ZC3H18: variants seen among roughly 807,000 people sequenced by gnomAD.
ZC3H18 encodes the protein zinc finger CCCH-type containing 18.
ZC3H18 carries 8 observed loss-of-function variants against 106.1 expected under a neutral mutation model. That is an observed-to-expected ratio of 0.08 (90% CI 0.04 to 0.14). ZC3H18 has a LOEUF of 0.14. ZC3H18 is among the 10% of genes least tolerant of loss of function. The pLI is 1.00. For missense variants in ZC3H18, 1,318 were observed against 1,278.4 expected (o/e 1.03, Z -0.47); for synonymous variants, 635 against 522.1 (o/e 1.22, Z -2.95).
At position 88,630,494 on chromosome 16, in the gene ZC3H18, A is replaced by T. The variant is rs1031675489; in HGVS notation, c.2576A>T (p.Asp859Val). The change falls in exon 17 of 18, where the codon GAC becomes GTC. Residue 859 changes from aspartate (D) to valine (V), a missense_variant. By Grantham distance (152) the Asp-to-Val change is radical. Around this residue, in one of 6 missense-constraint regions of ZC3H18, gnomAD observed 848 missense variants for 821.7 expected, o/e 1.03. Coordinates refer to ENST00000301011, the MANE Select transcript of ZC3H18 (RefSeq NM_144604.4). ...TGTACCTATCACCCAGGTTCTCGGG[A>T]CCGGAAGTCAGGTGGGAGACTGGGC... is the stretch of plus-strand genomic sequence containing the variant. ...PNTSPDRGSR[D>V]RKSGGRLGSP... 1 of 1,613,222 alleles carries T rather than the reference A, an allele frequency of 6.2e-7. No individual in the cohort carries two copies. The highest frequency in any genetic ancestry group is 1.3e-5 in the African/African-American group (1 of 74,924).
chr16:88,619,377 T>C (rs933154930), intron 8 of ZC3H18, among the ~76,000 whole-genome samples: 3 of 152,236 alleles, frequency 2.0e-5, no homozygotes, highest in Non-Finnish European at 2.9e-5. Context: ...AGGACCTCCT[T>C]GCTCCATGGG....
chr16:88,582,306 C>T (rs1022900226), intron 2 of ZC3H18, among the ~76,000 whole-genome samples: 2 of 140,078 alleles, frequency 1.4e-5, no homozygotes, highest in African/African-American at 2.7e-5. Context: ...CTCACTGCAA[C>T]CTCTGCCTCC....
intron 2 of ZC3H18, among the ~76,000 whole-genome samples, chr16:88,583,606 T>A (rs1915266549): frequency 6.6e-6 from 1 of 152,066 alleles, no homozygotes; most frequent in Admixed American, 6.6e-5. Context: ...AAAATTGGAG[T>A]AGATGATGCC....
chr16:88,617,596 T>C (rs1252782744), intron 8 of ZC3H18, among the ~76,000 whole-genome samples: 1 of 152,186 alleles, frequency 6.6e-6, no homozygotes, highest in Non-Finnish European at 1.5e-5. Flanking sequence ...GGCTGCCTGC[T>C]GTCTCCAAGC....
chr16:88,612,801 G>A (rs571266044), intron 8 of ZC3H18, among the ~76,000 whole-genome samples: 1 of 152,082 alleles, frequency 6.6e-6, no homozygotes, highest in East Asian at 1.9e-4. Context: ...CAGGAATTGA[G>A]ATCAGCCTGG....
At chr16:88,607,210 C>G (rs1453066900) in intron 6 of ZC3H18, among the ~76,000 whole-genome samples, 1 of 152,222 alleles carries the variant, frequency 6.6e-6, no homozygotes, top group Non-Finnish European at 1.5e-5. Context: ...GGGTCTGCCT[C>G]TGGACCTCCT....
chr16:88,625,982 C>T (rs1906286304), intron 13 of ZC3H18: 1 of 152,084 alleles, frequency 6.6e-6, no homozygotes, highest in African/African-American at 2.4e-5. Flanking sequence ...ACTGCCACGC[C>T]CAGCTAATTT....
intron 3 of ZC3H18, chr16:88,587,577 A>G (rs1224012805): frequency 5.9e-6 from 9 of 1,535,962 alleles, no homozygotes; most frequent in African/African-American, 2.7e-5. Context: ...TCTTCCACCA[A>G]TATCCAATTC....
In ZC3H18 at chr16:88,573,999, G is replaced by T. The variant is rs199952340; in HGVS notation, c.-14-3111G>T. Among the ~76,000 whole-genome samples the T allele has an allele frequency of 8.0e-5, 12 of 150,870 alleles. No homozygotes were observed. The East Asian group carries it at 2.3e-3, about 29-fold the overall frequency. On this transcript the variant is annotated intron_variant, in intron 1 of 17. Coordinates refer to ENST00000301011, the MANE Select transcript of ZC3H18 (RefSeq NM_144604.4). ...AGCAATTCTCCTGCCTCAGCCTCCC[G>T]AGCAGCTGGGATTACAGATGCCCAC...
At chr16:88,624,524 G>A in intron 11 of ZC3H18, 78 bp from the exon 12 acceptor site, 2 of 1,605,440 alleles carry the variant, frequency 1.2e-6, no homozygotes, top group Non-Finnish European at 1.7e-6. Context: ...CCCGAGCTGT[G>A]GGTCCATTGA....
intron 2 of ZC3H18, among the ~76,000 whole-genome samples, chr16:88,578,767 C>T (rs1477856948): frequency 1.3e-5 from 2 of 152,304 alleles, no homozygotes; most frequent in Admixed American, 6.5e-5. Flanking sequence ...TCTCAGCTCA[C>T]TACAGCCTCT....
At chr16:88,624,430 C>T in intron 11 of ZC3H18, 172 bp from the exon 12 acceptor site, 1 of 1,093,646 alleles carries the variant, frequency 9.1e-7, no homozygotes, top group Non-Finnish European at 1.3e-6. Context: ...GAAGCCGTTC[C>T]CAAGCACTCT....
chr16:88,570,667 G>T (rs1473599429), intron 1 of ZC3H18, 101 bp downstream of exon 1: 1 of 150,894 alleles, frequency 6.6e-6, no homozygotes, highest in Non-Finnish European at 1.5e-5. Context: ...AGGCCCGGGA[G>T]CCCGGCGCGC....
chr16:88,627,747 G>T lies in ZC3H18; in HGVS notation c.2234G>T (p.Arg745Leu). The T allele has an allele frequency of 1.2e-6, 2 of 1,612,908 alleles. No homozygotes were observed. The highest frequency in any genetic ancestry group is 1.7e-6 in the Non-Finnish European group (2 of 1,179,284). The change falls in exon 14 of 18, where the codon CGG (arginine) becomes CTG (leucine). Residue 745 changes from arginine (R) to leucine (L), a missense_variant. Arg to Leu is a moderately radical substitution (Grantham distance 102). Around this residue, in one of 6 missense-constraint regions of ZC3H18, gnomAD observed 848 missense variants for 821.7 expected, o/e 1.03. Coordinates refer to ENST00000301011, the MANE Select transcript of ZC3H18 (RefSeq NM_144604.4). This position sits in a 1 kb window ranked among gnomAD's most constrained non-coding sequence, Gnocchi z 4.5. ...AGCCCCGTGTCCTCAGCCAGCTCTC[G>T]GTCCCCGGCCCCAGCCCAGACCAGG... ...LASPVSSASS[R>L]SPAPAQTRKE...
intron 6 of ZC3H18, 102 bp downstream of exon 6, chr16:88,600,050 C>T (rs1904666574): frequency 2.2e-6 from 3 of 1,394,456 alleles, no homozygotes; most frequent in Non-Finnish European, 2.9e-6. Flanking sequence ...TCGGCTGAGA[C>T]CCAGCCCCAC....
chr16:88,605,059 A>G (rs1199177932), intron 6 of ZC3H18, among the ~76,000 whole-genome samples: 3 of 151,986 alleles, frequency 2.0e-5, no homozygotes, highest in African/African-American at 4.8e-5. Flanking sequence ...CAAAAAGCAC[A>G]CTCCCTTTCC....
chr16:88,599,679 C>A, intron 5 of ZC3H18, 112 bp from the exon 6 acceptor site: 1 of 1,296,604 alleles, frequency 7.7e-7, no homozygotes, highest in Non-Finnish European at 1.1e-6. Context: ...CAGCGTGCAG[C>A]TCCTGCTCCT....
chr16:88,599,105 A>G (rs1187519498), intron 5 of ZC3H18, among the ~76,000 whole-genome samples: 2 of 152,210 alleles, frequency 1.3e-5, no homozygotes, highest in African/African-American at 2.4e-5. Flanking sequence ...CACTGTCTTC[A>G]TGGGGCTGGA....
intron 3 of ZC3H18, among the ~76,000 whole-genome samples, chr16:88,596,410 G>A (rs1009548272): frequency 6.6e-6 from 1 of 152,128 alleles, no homozygotes; most frequent in Non-Finnish European, 1.5e-5. Flanking sequence ...GGGAGGCCGA[G>A]GCTGGCAGAT....
Sources: allele counts gnomAD v4.1 joint callset (sites outside exome capture counted in the v4.1 genomes callset), GRCh38; gene constraint gnomAD v4.1.1; regional missense constraint gnomAD v4.1.1; non-coding constraint Gnocchi (gnomAD v3.1); transcripts MANE v1.5; gene names NCBI Gene and HGNC (gene_info 2026-07-23, HGNC 2026-07-21).